Variants in DLC1 observed in about 807,000 individuals in gnomAD.
DLC1 encodes DLC1 Rho GTPase activating protein.
In DLC1, 54 loss-of-function variants were observed where a neutral mutation model predicts 140.3. The ratio of observed to expected loss-of-function variants is 0.38; its 90% CI spans 0.31 to 0.48. The LOEUF (loss-of-function observed/expected upper bound fraction) is 0.48. Among genes scored for constraint, DLC1 ranks in the 20% least tolerant of loss-of-function variants. DLC1 has a pLI of 0.96. For missense variants in DLC1, 2,536 were observed against 1,907.0 expected (o/e 1.33, Z -6.14); for synonymous variants, 986 against 728.1 (o/e 1.35, Z -5.70).
chr8:13,373,171 C>T (rs1469222527), intron 4 of DLC1, among the ~76,000 whole-genome samples: 1 of 152,056 alleles, frequency 6.6e-6, no homozygotes, highest in Non-Finnish European at 1.5e-5. Flanking sequence ...GTGAGCCTGG[C>T]CCCAAATGAG....
intron 5 of DLC1, among the ~76,000 whole-genome samples, chr8:13,219,313 AAT>A (rs975959399): frequency 2.8e-5 from 4 of 141,964 alleles, no homozygotes; most frequent in Admixed American, 7.2e-5. Flanking sequence ...CTTAAATATG[AAT>A]AGTTATATTC....
intron 5 of DLC1, among the ~76,000 whole-genome samples, chr8:13,294,744 A>G (rs1831882677): frequency 6.6e-6 from 1 of 152,184 alleles, no homozygotes; most frequent in Admixed American, 6.5e-5. Flanking sequence ...CACTACATAT[A>G]GCATAGCGGC....
chr8:13,226,140 C>G (rs1426718743), intron 5 of DLC1, among the ~76,000 whole-genome samples: 2 of 152,150 alleles, frequency 1.3e-5, no homozygotes, highest in African/African-American at 4.8e-5. Flanking sequence ...TCTTGAACTT[C>G]TGAGCTCAAA....
intron 4 of DLC1, among the ~76,000 whole-genome samples, chr8:13,332,448 TAAGATGGGGTCTCGCTG>T (rs1427285506): frequency 6.6e-6 from 1 of 151,256 alleles, no homozygotes. Flanking sequence ...TTTTTTTTTT[TAAGATGGGGTCTCGCTG>T]TTTTGCCCAG....
rs1585614015 is a variant in DLC1 at position 13,099,873 on chromosome 8, G to A, written c.2464C>T (p.Leu822Phe). 1 of 1,614,230 alleles carries A rather than the reference G, an allele frequency of 6.2e-7. No homozygotes were observed. Among genetic ancestry groups the A allele is most frequent in the Non-Finnish European group, 8.5e-7 (1 of 1,180,052 alleles). ...GAGGGGGAGAAACTGCCATTGGTGA[G>A]AGCTTTGGGGAAAGTGCCAGGCTTG... ...DHKPGTFPKA[L>F]TNGSFSPSGN... is the part of the protein sequence containing the mutation. Residue 822 changes from leucine (L) to phenylalanine (F), a missense_variant, in exon 9 of 18, where the codon CTC becomes TTC. Leu to Phe is a conservative substitution (Grantham distance 22). Transcript: ENST00000276297.
chr8:13,088,452 T>A (rs749788185), intron 16 of DLC1, 35 bp downstream of exon 16: 6 of 1,608,492 alleles, frequency 3.7e-6, no homozygotes, highest in Non-Finnish European at 4.3e-6. Context: ...TATGGAGTCA[T>A]CCTTGTCACA....
intron 2 of DLC1, among the ~76,000 whole-genome samples, chr8:13,482,053 A>T (rs540495100): frequency 6.1e-4 from 93 of 152,290 alleles, no homozygotes; most frequent in Admixed American, 1.0e-3. Flanking sequence ...CCCTGCCCAC[A>T]CCTTGATCTG....
At chr8:13,148,893 C>T (rs1823617022) in intron 5 of DLC1, among the ~76,000 whole-genome samples, 1 of 152,066 alleles carries the variant, frequency 6.6e-6, no homozygotes, top group Non-Finnish European at 1.5e-5. Context: ...CCCAGGTTCA[C>T]ACCATTCTCC....
In DLC1 at chr8:13,393,556, A is replaced by T. The variant is rs1161869146; in HGVS notation, c.1311T>A (p.Thr437=). ...PVANSGTKPK[T]TAIQGISEKE... ...TCTGTTATTATTTAGAACTCACCGTAGTCTTGGGTTTGGTTCCAGAATTGG... is the reference window on the plus strand; with the variant it reads ...TCTGTTATTATTTAGAACTCACCGTTGTCTTGGGTTTGGTTCCAGAATTGG... Residue 437 remains threonine (T), a synonymous_variant, in exon 4 of 18, where the codon ACT becomes ACA. Coordinates refer to ENST00000276297, the MANE Select transcript of DLC1 (RefSeq NM_182643.3). 2 of 1,613,696 alleles carry T rather than the reference A, an allele frequency of 1.2e-6. No individual in the cohort carries two copies. The highest frequency in any genetic ancestry group is 1.7e-6 in the Non-Finnish European group (2 of 1,179,916).
chr8:13,100,845 G>T (rs1430918394), intron 8 of DLC1, 75 bp from the exon 9 acceptor site: 5 of 1,450,384 alleles, frequency 3.4e-6, no homozygotes, highest in Non-Finnish European at 4.6e-6. Flanking sequence ...GCAGGAGGCT[G>T]CTCATAATAT....
chr8:13,393,442 C>G, intron 4 of DLC1, 111 bp downstream of exon 4: 1 of 1,230,856 alleles, frequency 8.1e-7, no homozygotes. Context: ...CATTAAGTCA[C>G]TATGGCTAAG....
intron 1 of DLC1, among the ~76,000 whole-genome samples, chr8:13,523,848 G>A (rs1802834260): frequency 6.6e-6 from 1 of 151,742 alleles, no homozygotes; most frequent in African/African-American, 2.4e-5. Flanking sequence ...GCAAAATTTT[G>A]TTCTGTTCTT....
At chr8:13,568,554 T>C (rs1804537055) in intron 1 of DLC1, among the ~76,000 whole-genome samples, 1 of 150,220 alleles carries the variant, frequency 6.7e-6, no homozygotes, top group South Asian at 2.1e-4. Flanking sequence ...TAGCTGGAAG[T>C]TGAAGCCGTA....
chr8:13,541,661 A>T (rs369404040), intron 1 of DLC1, among the ~76,000 whole-genome samples: 1 of 151,928 alleles, frequency 6.6e-6, no homozygotes, highest in African/African-American at 2.4e-5. Context: ...GCCATTCTCC[A>T]GCCTCAGCCT....
intron 5 of DLC1, among the ~76,000 whole-genome samples, chr8:13,179,363 A>T (rs117340918): frequency 0.011 from 1,706 of 152,238 alleles, 13 homozygotes; most frequent in South Asian, 0.037. Context: ...ATGTTCATTT[A>T]ACCCTAACCC....
intron 2 of DLC1, among the ~76,000 whole-genome samples, chr8:13,416,794 C>T (rs1838083421): frequency 6.6e-6 from 1 of 152,110 alleles, no homozygotes; most frequent in South Asian, 2.1e-4. Context: ...TCTGGTTTGA[C>T]ATTTTTTGGC....
At chr8:13,088,377 C>T (rs957407686) in intron 16 of DLC1, 110 bp downstream of exon 16, 1 of 1,286,772 alleles carries the variant, frequency 7.8e-7, no homozygotes, top group Non-Finnish European at 1.1e-6. Context: ...CCACCATATG[C>T]CCGGCCTCTA....
At chr8:13,508,042 A>G (rs753305255) in intron 1 of DLC1, among the ~76,000 whole-genome samples, 2 of 152,230 alleles carry the variant, frequency 1.3e-5, no homozygotes, top group Non-Finnish European at 2.9e-5. Flanking sequence ...AACTCTTTCA[A>G]TCCACTAGAA....
intron 5 of DLC1, among the ~76,000 whole-genome samples, chr8:13,178,421 G>A (rs1825864957): frequency 6.6e-6 from 1 of 151,930 alleles, no homozygotes; most frequent in South Asian, 2.1e-4. Flanking sequence ...AATTAGCCAG[G>A]CGTGGTGGCG....
Sources: gnomAD v4.1 joint callset for allele counts (sites outside exome capture counted in the v4.1 genomes callset) on GRCh38, gnomAD v4.1.1 for gene constraint, MANE v1.5 for transcripts, NCBI Gene and HGNC (gene_info 2026-07-23, HGNC 2026-07-21) for gene names.